FAM171A1: variants seen among roughly 807,000 people sequenced by gnomAD.
The protein encoded by FAM171A1 is protein FAM171A1.
FAM171A1 carries 23 observed loss-of-function variants against 74.9 expected under a neutral mutation model. The ratio of observed to expected loss-of-function variants is 0.31; its 90% CI spans 0.22 to 0.44. The LOEUF is 0.44. Among genes scored for constraint, FAM171A1 ranks in the 20% least tolerant of loss-of-function variants. The pLI, the probability that FAM171A1 is intolerant of heterozygous loss-of-function variation, is 1.00. For synonymous variants in FAM171A1, 527 were observed against 505.7 expected (o/e 1.04, Z -0.57); for missense variants, 1,162 against 1,159.2 (o/e 1.00, Z -0.03).
At position 15,240,646 on chromosome 10, in the gene FAM171A1, A is replaced by C. The variant is rs1053397133; in HGVS notation, c.754+7993T>G. The C allele has an allele frequency of 3.6e-5, 32 of 891,768 alleles. No homozygotes were observed. In the African/African-American group the frequency reaches 5.1e-4, roughly 14 times the overall value. 55.2% of individuals were successfully genotyped at this position (891,768 alleles called of 1,614,324 possible). A position where few individuals can be genotyped will look rare whatever the true frequency, so the allele number is the denominator to read the frequency against. ...ACGGGGTTTGAAAGAGAGCATCTCT[A>C]GTTCTCTCTCCTAAGAGTAAACTTT... On this transcript the variant is annotated intron_variant, in intron 5 of 7. Transcript: ENST00000378116.
chr10:15,257,099 T>C (rs564467682), intron 3 of FAM171A1, among the ~76,000 whole-genome samples: 8 of 152,224 alleles, frequency 5.3e-5, no homozygotes, highest in Non-Finnish European at 1.5e-5. Flanking sequence ...ACTCTGCTAA[T>C]AGGAAGAGAA....
intron 1 of FAM171A1, among the ~76,000 whole-genome samples, chr10:15,300,338 C>T (rs545651559): frequency 3.9e-5 from 6 of 152,212 alleles, no homozygotes; most frequent in Non-Finnish European, 7.3e-5. Context: ...AGGCTCCTCA[C>T]TTAACCAGTC....
chr10:15,335,262 G>A (rs962666872), intron 1 of FAM171A1, among the ~76,000 whole-genome samples: 30 of 151,782 alleles, frequency 2.0e-4, no homozygotes, highest in Non-Finnish European at 7.4e-5. Flanking sequence ...CAAAACAAAC[G>A]ACAAACAAAC....
intron 3 of FAM171A1, among the ~76,000 whole-genome samples, chr10:15,264,935 C>A (rs1312536724): frequency 6.6e-6 from 1 of 151,874 alleles, no homozygotes; most frequent in African/African-American, 2.4e-5. Flanking sequence ...AGTGGGAAAA[C>A]AGGAAACAAA....
At chr10:15,235,841 G>A (rs576520970) in intron 5 of FAM171A1, among the ~76,000 whole-genome samples, 4 of 152,230 alleles carry the variant, frequency 2.6e-5, no homozygotes, top group Non-Finnish European at 4.4e-5. Context: ...AGTGGGAAAC[G>A]CTGAATCTCA....
intron 5 of FAM171A1, 130 bp downstream of exon 5, chr10:15,248,509 C>T: frequency 1.0e-6 from 1 of 957,606 alleles, no homozygotes; most frequent in Non-Finnish European, 1.5e-6. Flanking sequence ...TGAGAAACCA[C>T]ACAATGCAAT....
intron 1 of FAM171A1, among the ~76,000 whole-genome samples, chr10:15,362,968 C>G (rs1049289176): frequency 1.3e-5 from 2 of 152,180 alleles, no homozygotes; most frequent in Admixed American, 1.3e-4. Context: ...ATGCCCCTCC[C>G]CGACAGACCA....
intron 1 of FAM171A1, among the ~76,000 whole-genome samples, chr10:15,311,740 C>T (rs563231492): frequency 1.3e-5 from 2 of 152,266 alleles, no homozygotes; most frequent in Middle Eastern, 3.4e-3. Context: ...CGTTTTCCCC[C>T]TGGAAGAACA....
chr10:15,256,523 G>A (rs760064222), intron 3 of FAM171A1, among the ~76,000 whole-genome samples: 14 of 152,144 alleles, frequency 9.2e-5, no homozygotes, highest in Non-Finnish European at 2.1e-4. Context: ...AATCATGAGA[G>A]TCCTATCTAA....
At chr10:15,320,688 T>C (rs1226770775) in intron 1 of FAM171A1, among the ~76,000 whole-genome samples, 1 of 152,232 alleles carries the variant, frequency 6.6e-6, no homozygotes, top group African/African-American at 2.4e-5. Flanking sequence ...TATCTCATTG[T>C]GGTTTTGATC....
chr10:15,370,849 T>C (rs1836134607), intron 1 of FAM171A1, 107 bp downstream of exon 1: 1 of 362,098 alleles, frequency 2.8e-6, no homozygotes, highest in Non-Finnish European at 3.8e-6. Flanking sequence ...TCGGGCTGCG[T>C]CGCCACCACG....
intron 3 of FAM171A1, among the ~76,000 whole-genome samples, chr10:15,268,118 T>C (rs1834771656): frequency 1.3e-5 from 2 of 152,094 alleles, no homozygotes; most frequent in African/African-American, 2.4e-5. Context: ...CGTCCCTTCC[T>C]TACCAGGGAG....
At chr10:15,349,871 C>T (rs1055696388) in intron 1 of FAM171A1, among the ~76,000 whole-genome samples, 1 of 152,064 alleles carries the variant, frequency 6.6e-6, no homozygotes, top group Non-Finnish European at 1.5e-5. Context: ...GCCACAAAGA[C>T]AACTAAGGGT....
intron 1 of FAM171A1, among the ~76,000 whole-genome samples, chr10:15,341,219 T>C (rs1835760658): frequency 6.6e-6 from 1 of 152,144 alleles, no homozygotes; most frequent in Non-Finnish European, 1.5e-5. Flanking sequence ...CAGGACAAAT[T>C]GGGACAGCTC....
At chr10:15,337,950 T>TA (rs953077526) in intron 1 of FAM171A1, among the ~76,000 whole-genome samples, 19 of 150,938 alleles carry the variant, frequency 1.3e-4, no homozygotes, top group African/African-American at 2.9e-4. Context: ...GACTCCATCT[T>TA]AAAAAAAACA....
intron 1 of FAM171A1, among the ~76,000 whole-genome samples, chr10:15,344,268 G>A (rs1327091225): frequency 6.6e-6 from 1 of 152,192 alleles, no homozygotes; most frequent in East Asian, 1.9e-4. Context: ...AAAATTGAGA[G>A]CGAAAAACTG....
At chr10:15,311,688 G>A (rs1445140540) in intron 1 of FAM171A1, among the ~76,000 whole-genome samples, 1 of 152,048 alleles carries the variant, frequency 6.6e-6, no homozygotes, top group Non-Finnish European at 1.5e-5. Flanking sequence ...GGGAGGCATA[G>A]AGTAGGAGGT....
At chr10:15,371,382 C>T (rs936387695), upstream of FAM171A1, among the ~76,000 whole-genome samples, 33 of 147,112 alleles carry the variant, frequency 2.2e-4, no homozygotes, top group South Asian at 3.7e-3. Flanking sequence ...GCCGAGGGCG[C>T]CCCCGCCCGG....
rs1395806575 is a variant in FAM171A1, at chr10:15,220,966, G to A, written c.849C>T (p.Ala283=). 12 of 1,613,586 alleles carry A rather than the reference G, an allele frequency of 7.4e-6. No homozygotes were observed. The highest frequency in any genetic ancestry group is 1.1e-5 in the South Asian group (1 of 91,006). The change falls in exon 6 of 8, where the codon GCC becomes GCT. Residue 283 remains alanine, a synonymous_variant. Transcript: ENST00000378116. The stretch of plus-strand genomic sequence containing the variant: ...TACCTGGGATGGGAGGGGACATGGC[G>A]GCCACCCAGTACCCCAACTGGGGGG... ...YIAPQLGYWV[A]AMSPPIPGPV...
Sources: gnomAD v4.1 joint callset for allele counts (sites outside exome capture counted in the v4.1 genomes callset) on GRCh38, gnomAD v4.1.1 for gene constraint, MANE v1.5 for transcripts, NCBI Gene and HGNC (gene_info 2026-07-23, HGNC 2026-07-21) for gene names.